CAST: variants seen among roughly 807,000 people sequenced by gnomAD.
The protein encoded by CAST is MIR583 host.
Under a neutral mutation model 119.6 loss-of-function variants are expected in CAST, and 76 were observed. The observed-to-expected ratio is 0.64, with a 90% confidence interval of 0.53 to 0.77. The LOEUF (loss-of-function observed/expected upper bound fraction) is 0.77. Ranked by LOEUF, CAST falls within the 30% of genes least tolerant of loss-of-function variation. The pLI, the probability that CAST is intolerant of heterozygous loss-of-function variation, is 0.00. For synonymous variants in CAST, 319 were observed against 331.6 expected, an observed-to-expected ratio of 0.96 and a Z score of 0.41; for missense variants, 953 against 946.5, an observed-to-expected ratio of 1.01 and a Z score of -0.09.
intron 20 of CAST, among the ~76,000 whole-genome samples, chr5:96,753,565 C>T (rs1765634751): frequency 6.6e-6 from 1 of 152,162 alleles, no homozygotes. Context: ...CAGAACCAGC[C>T]CTGAAACTCC....
the CAST span, among the ~76,000 whole-genome samples, chr5:96,149,596 T>C: frequency 6.6e-6 from 1 of 152,168 alleles, no homozygotes; most frequent in Non-Finnish European, 1.5e-5. Flanking sequence ...TCATGGGGGT[T>C]AGGGTTACTT....
At chr5:96,647,532 T>C (rs62364714) in intron 1 of CAST, among the ~76,000 whole-genome samples, 46,469 of 151,996 alleles carry the variant, frequency 0.31, 7,339 homozygotes, top group African/African-American at 0.36. Flanking sequence ...CCAAAATGAA[T>C]ATGTTGAAGT....
At chr5:96,586,907 C>T (rs935041783) in intron 1 of CAST, among the ~76,000 whole-genome samples, 4 of 152,032 alleles carry the variant, frequency 2.6e-5, no homozygotes, top group Admixed American at 1.3e-4. Flanking sequence ...TCAGATAAAC[C>T]CCATGGAGCA....
chr5:96,605,573 GA>G (rs200786408), intron 1 of CAST, among the ~76,000 whole-genome samples: 5 of 151,842 alleles, frequency 3.3e-5, no homozygotes, highest in East Asian at 3.9e-4. Flanking sequence ...TTGCTAGCCT[GA>G]AAAAAAATAG....
At chr5:96,029,958 A>G in the CAST span, among the ~76,000 whole-genome samples, 60 of 152,286 alleles carry the variant, frequency 3.9e-4, no homozygotes, top group African/African-American at 1.3e-3. Context: ...TTTTGAACCA[A>G]GAAAGGTTGT....
At chr5:96,748,053 A>G (rs1292258966) in intron 18 of CAST, among the ~76,000 whole-genome samples, 3 of 152,164 alleles carry the variant, frequency 2.0e-5, no homozygotes, top group African/African-American at 7.2e-5. Flanking sequence ...GCCCTAAACT[A>G]ATACCACTCT....
chr5:96,506,676 T>A, the CAST span, among the ~76,000 whole-genome samples: 1 of 151,832 alleles, frequency 6.6e-6, no homozygotes, highest in Non-Finnish European at 1.5e-5. Context: ...GGTCTCCTCC[T>A]CCCACTATGA....
the CAST span, among the ~76,000 whole-genome samples, chr5:96,300,743 T>C: frequency 6.6e-6 from 1 of 152,142 alleles, no homozygotes; most frequent in African/African-American, 2.4e-5. Context: ...GATATCTTTC[T>C]ATTTATTTGT....
the CAST span, among the ~76,000 whole-genome samples, chr5:96,017,599 G>T: frequency 2.6e-5 from 4 of 152,020 alleles, no homozygotes. Flanking sequence ...TATAACAACT[G>T]GTAGTTATAT....
At chr5:96,640,805 G>C (rs962525771) in intron 1 of CAST, among the ~76,000 whole-genome samples, 2 of 152,202 alleles carry the variant, frequency 1.3e-5, no homozygotes, top group Admixed American at 6.5e-5. Context: ...CGTTAGGAGA[G>C]GGAGGTGGCT....
At chr5:96,648,169 T>C (rs1748042678) in intron 1 of CAST, among the ~76,000 whole-genome samples, 1 of 152,232 alleles carries the variant, frequency 6.6e-6, no homozygotes, top group Middle Eastern at 3.2e-3. Context: ...ATGTTTTTAC[T>C]CAAGTTGTTT....
the CAST span, among the ~76,000 whole-genome samples, chr5:96,481,159 A>G: frequency 6.6e-6 from 1 of 151,600 alleles, no homozygotes; most frequent in African/African-American, 2.4e-5. Context: ...AATCACTAAC[A>G]CTCACTCATC....
At chr5:96,599,246 G>A (rs914897799) in intron 1 of CAST, among the ~76,000 whole-genome samples, 2 of 152,272 alleles carry the variant, frequency 1.3e-5, no homozygotes, top group Admixed American at 6.5e-5. Context: ...TAACTTAGGG[G>A]GTGAAAGAGA....
At chr5:96,104,747 A>G in the CAST span, among the ~76,000 whole-genome samples, 3 of 136,472 alleles carry the variant, frequency 2.2e-5, no homozygotes, top group South Asian at 7.7e-4. Flanking sequence ...TGAACTTTAA[A>G]GTAGTTTTTT....
chr5:96,540,590 T>G (rs1056319276), intron 1 of CAST, among the ~76,000 whole-genome samples: 2 of 152,238 alleles, frequency 1.3e-5, no homozygotes, highest in Non-Finnish European at 2.9e-5. Context: ...CCAATGTTGA[T>G]ACACTATTAT....
At chr5:96,366,284 G>C in the CAST span, among the ~76,000 whole-genome samples, 48,492 of 152,000 alleles carry the variant, frequency 0.32, 8,197 homozygotes, top group Admixed American at 0.43. Context: ...TTCAACTTTG[G>C]CAAATCTGAC....
chr5:96,503,586 A>G, the CAST span, among the ~76,000 whole-genome samples: 1 of 152,238 alleles, frequency 6.6e-6, no homozygotes, highest in Non-Finnish European at 1.5e-5. Context: ...CTATTCCAGC[A>G]ACCAAAGAGC....
At chr5:96,247,109 G>A in the CAST span, among the ~76,000 whole-genome samples, 1 of 152,158 alleles carries the variant, frequency 6.6e-6, no homozygotes, top group Non-Finnish European at 1.5e-5. Context: ...CCTGTGTGGT[G>A]CCATAAGCTC....
the CAST span, among the ~76,000 whole-genome samples, chr5:96,242,849 A>G: frequency 6.6e-6 from 1 of 152,222 alleles, no homozygotes; most frequent in African/African-American, 2.4e-5. Flanking sequence ...GTGACTGAAC[A>G]AAGAATGAAC....
Sources: allele counts gnomAD v4.1 joint callset (sites outside exome capture counted in the v4.1 genomes callset), GRCh38; gene constraint gnomAD v4.1.1; transcripts MANE v1.5; gene names NCBI Gene and HGNC (gene_info 2026-07-23, HGNC 2026-07-21).